Variants in GSDME observed in about 807,000 individuals in gnomAD.
The protein encoded by GSDME is gasdermin E, also known as gasdermin-E.
In GSDME, 44 loss-of-function variants were observed where a neutral mutation model predicts 47.5. The observed-to-expected ratio is 0.93, with a 90% CI of 0.73 to 1.19. The LOEUF is 1.19. GSDME is among the 50% of genes most tolerant of loss of function. GSDME has a pLI of 0.00. For synonymous variants in GSDME, 258 were observed against 252.8 expected, an observed-to-expected ratio of 1.02 and a Z score of -0.20; for missense variants, 663 against 604.2, an observed-to-expected ratio of 1.10 and a Z score of -1.02.
chr7:24,699,317 G>C, intron 9 of GSDME, 58 bp from the exon 10 acceptor site: 1 of 1,273,996 alleles, frequency 7.8e-7, no homozygotes, highest in South Asian at 1.2e-5. Flanking sequence ...ATCCACATTG[G>C]ATAGTAATGC....
chr7:24,762,203 G>A (rs989141994), upstream of GSDME, among the ~76,000 whole-genome samples: 3 of 146,884 alleles, frequency 2.0e-5, no homozygotes, highest in Admixed American at 6.9e-5. Flanking sequence ...GCAGTGAGCT[G>A]TGATCGTGCC....
At chr7:24,743,804 C>T (rs1790563294) in intron 3 of GSDME, among the ~76,000 whole-genome samples, 2 of 152,252 alleles carry the variant, frequency 1.3e-5, no homozygotes, top group East Asian at 3.8e-4. Flanking sequence ...TCTGGCCACA[C>T]TTTCTAAGTT....
chr7:24,745,396 G>C lies in GSDME; in HGVS notation c.212-642C>G, dbSNP rs1049573125. Among the ~76,000 whole-genome samples the C allele has an allele frequency of 1.3e-5, 2 of 152,068 alleles. No individual in the cohort carries two copies. Among genetic ancestry groups the C allele is most frequent in the African/African-American group, 4.8e-5 (2 of 41,404 alleles). On this transcript the variant is annotated intron_variant, in intron 2 of 9. Coordinates refer to ENST00000645220, the MANE Select transcript of GSDME (RefSeq NM_001127453.2). The surrounding 1 kb of genome is among the most constrained non-coding windows in gnomAD (Gnocchi z 4.4). ...CCCCTGGCCCTTATTACCATCTCCA[G>C]TCAAATTATTCCCTTCCCATATTTA...
chr7:24,751,813 T>C (rs1441398202), intron 1 of GSDME, among the ~76,000 whole-genome samples: 3 of 152,240 alleles, frequency 2.0e-5, no homozygotes, highest in Non-Finnish European at 4.4e-5. Context: ...ACTATACTAC[T>C]GTGTTGAAGC....
the GSDME span, among the ~76,000 whole-genome samples, chr7:24,789,872 A>G: frequency 6.6e-6 from 1 of 152,234 alleles, no homozygotes; most frequent in African/African-American, 2.4e-5. Flanking sequence ...ATTTTGGTGA[A>G]CTAAGGTAGC....
In GSDME at chr7:24,728,730, T is replaced by C. The variant is rs1584083538; in HGVS notation, c.405-9512A>G. Among the ~76,000 whole-genome samples, 1 of 152,232 alleles carries C rather than the reference T, an allele frequency of 6.6e-6. No individual in the cohort carries two copies. Among genetic ancestry groups the C allele is most frequent in the African/African-American group, 2.4e-5 (1 of 41,550 alleles). ...CTGTCTCCCCCGCAGGTACTAGCAG[T>C]CCCCATTTCAACCACGTTTCATAAC... On this transcript the variant is annotated intron_variant, in intron 3 of 9. Transcript: ENST00000645220. This position sits in a 1 kb window ranked among gnomAD's most constrained non-coding sequence, Gnocchi z 7.2.
intron 9 of GSDME, chr7:24,702,295 A>C (rs140524939): frequency 1.6e-4 from 40 of 245,700 alleles, no homozygotes; most frequent in African/African-American, 8.9e-4. Flanking sequence ...CACCAAGCTA[A>C]CGATATTCCT....
In GSDME at chr7:24,754,436, G is replaced by T. The variant is rs1382128291; in HGVS notation, c.-20+2960C>A. 6.7e-6 allele frequency among the ~76,000 whole-genome samples: 1 copy of T among 150,278 alleles called. No homozygotes were observed. Among genetic ancestry groups the T allele is most frequent in the African/African-American group, 2.5e-5 (1 of 40,702 alleles). ...GGAGGCAGAGGTTGCAGTGAGCCAA[G>T]ATCCTGCCATTGCACTCCAGCCTGG... On this transcript the variant is annotated intron_variant, in intron 1 of 9. Transcript: ENST00000645220. The surrounding 1 kb of genome is among the most constrained non-coding windows in gnomAD (Gnocchi z 5.0).
chr7:24,774,558 A>C, the GSDME span, among the ~76,000 whole-genome samples: 1 of 151,974 alleles, frequency 6.6e-6, no homozygotes, highest in African/African-American at 2.4e-5. Flanking sequence ...TTTAAGATGG[A>C]GTCTCGCTCT....
In GSDME at chr7:24,733,545, C is replaced by G. The variant is rs144942654; in HGVS notation, c.404+11017G>C. Among the ~76,000 whole-genome samples, 167 of 152,258 alleles carry G rather than the reference C, an allele frequency of 1.1e-3. 1 individual carries two copies. Among genetic ancestry groups the G allele is most frequent in the African/African-American group, 3.8e-3 (159 of 41,534 alleles). ...GACCTACCCAGGCCCACAGGGGACC[C>G]CACTGCCCTGAAGAGTGCGTCTCAA... On this transcript the variant is annotated intron_variant, in intron 3 of 9. Coordinates refer to ENST00000645220, the MANE Select transcript of GSDME (RefSeq NM_001127453.2). This position sits in a 1 kb window ranked among gnomAD's most constrained non-coding sequence, Gnocchi z 4.3.
chr7:24,739,342 C>T lies in GSDME; in HGVS notation c.404+5220G>A, dbSNP rs6949503. ...ATCTAAATAGACATTTCTCAAAAGA[C>T]GACATACAAATGTCAGACAGGCATA... is the stretch of plus-strand genomic sequence containing the variant. On this transcript the variant is annotated intron_variant, in intron 3 of 9. Coordinates refer to ENST00000645220, the MANE Select transcript of GSDME (RefSeq NM_001127453.2). This position sits in a 1 kb window ranked among gnomAD's most constrained non-coding sequence, Gnocchi z 5.1. 0.098 allele frequency among the ~76,000 whole-genome samples: 14,946 copies of T among 152,098 alleles called. 809 individuals carry two copies. The highest frequency in any genetic ancestry group is 0.12 in the Admixed American group (1,845 of 15,284).
rs187340611 is a variant in GSDME, at chr7:24,709,540, C to G, written c.862+684G>C. ...TCACCAGGGCTTCTGTGCTTACCCT[C>G]CAAGCCAGCGCGCACACGGAGCGGT... On this transcript the variant is annotated intron_variant, in intron 6 of 9. Coordinates refer to ENST00000645220, the MANE Select transcript of GSDME (RefSeq NM_001127453.2). Among the ~76,000 whole-genome samples, 406 of 151,946 alleles carry G rather than the reference C, an allele frequency of 2.7e-3. 1 individual carries two copies. Among genetic ancestry groups the G allele is most frequent in the Non-Finnish European group, 4.1e-3 (279 of 67,978 alleles).
At chr7:24,727,487 A>T (rs887279059) in intron 3 of GSDME, among the ~76,000 whole-genome samples, 3 of 152,234 alleles carry the variant, frequency 2.0e-5, no homozygotes, top group Non-Finnish European at 4.4e-5. Context: ...AACCCACAGA[A>T]ACAGAGATAT....
rs1272246178 is a variant in GSDME, at chr7:24,726,818, A to C, written c.405-7600T>G. The stretch of plus-strand genomic sequence containing the variant: ...GAGACTCCGTCTCAAAAAAAAAAAA[A>C]AAAAACCAATGGCCTCGAGGAAGAG... On this transcript the variant is annotated intron_variant, in intron 3 of 9. Transcript: ENST00000645220. This position sits in a 1 kb window ranked among gnomAD's most constrained non-coding sequence, Gnocchi z 5.6. Among the ~76,000 whole-genome samples, 1 of 151,952 alleles carries C rather than the reference A, an allele frequency of 6.6e-6. No homozygotes were observed. Among genetic ancestry groups the C allele is most frequent in the African/African-American group, 2.4e-5 (1 of 41,356 alleles).
At chr7:24,789,521 G>A in the GSDME span, among the ~76,000 whole-genome samples, 2 of 152,170 alleles carry the variant, frequency 1.3e-5, no homozygotes, top group African/African-American at 4.8e-5. Context: ...TAATCAGAAC[G>A]GAACAGAACA....
the GSDME span, among the ~76,000 whole-genome samples, chr7:24,794,884 A>T: frequency 6.6e-6 from 1 of 152,226 alleles, no homozygotes; most frequent in Non-Finnish European, 1.5e-5. Context: ...GGAGTTACTC[A>T]TTCATCAAGC....
intron 6 of GSDME, among the ~76,000 whole-genome samples, chr7:24,709,679 C>T (rs548192453): frequency 6.6e-6 from 1 of 152,306 alleles, no homozygotes; most frequent in Admixed American, 6.5e-5. Context: ...TTCTAAAGCA[C>T]AATACGCTGT....
the GSDME span, among the ~76,000 whole-genome samples, chr7:24,770,498 T>C: frequency 4.6e-5 from 7 of 151,820 alleles, no homozygotes; most frequent in Non-Finnish European, 7.4e-5. The surrounding 1 kb of genome is among the most constrained non-coding windows in gnomAD (Gnocchi z 4.6). Context: ...GAAGTGTGGG[T>C]TACTTGGAAA....
the GSDME span, among the ~76,000 whole-genome samples, chr7:24,769,589 T>C: frequency 0.037 from 5,573 of 152,160 alleles, 353 homozygotes; most frequent in African/African-American, 0.13. Context: ...GCCCAGGACA[T>C]AGGCTCACTA....
Sources: gnomAD v4.1 joint callset for allele counts (sites outside exome capture counted in the v4.1 genomes callset) on GRCh38, gnomAD v4.1.1 for gene constraint, Gnocchi (gnomAD v3.1) non-coding constraint, MANE v1.5 for transcripts, NCBI Gene and HGNC (gene_info 2026-07-23, HGNC 2026-07-21) for gene names.